The following BRD4 variants were observed in gnomAD, a reference collection of about 807,000 sequenced individuals.
The protein encoded by BRD4 is bromodomain containing 4, also known as bromodomain-containing protein 4.
In BRD4, 16 loss-of-function variants were observed where a neutral mutation model predicts 142.1. That is an observed-to-expected ratio of 0.11 (90% confidence interval 0.08 to 0.17). The LOEUF (loss-of-function observed/expected upper bound fraction) is 0.17. Among genes scored for constraint, BRD4 ranks in the 10% least tolerant of loss-of-function variants. The probability of loss-of-function intolerance (pLI) is 1.00; values close to 1 mark genes in which losing one functional copy is unlikely to be tolerated. For synonymous variants in BRD4, 833 were observed against 707.5 expected (o/e 1.18, Z -2.82); for missense variants, 1,424 against 1,810.9 (o/e 0.79, Z 3.88).
chr19:15,241,291 T>C (rs2047235911), intron 14 of BRD4, among the ~76,000 whole-genome samples: 1 of 152,210 alleles, frequency 6.6e-6, no homozygotes, highest in African/African-American at 2.4e-5. Context: ...CCCACCCAAC[T>C]AGGGCAGTGC....
intron 1 of BRD4, among the ~76,000 whole-genome samples, chr19:15,325,568 A>G (rs913544330): frequency 1.3e-5 from 2 of 152,166 alleles, no homozygotes; most frequent in Admixed American, 6.5e-5. Flanking sequence ...TTTGTGGGGG[A>G]AAAAATGTTT....
At chr19:15,253,811 G>A (rs1313568614) in intron 11 of BRD4, 1 of 1,565,864 alleles carries the variant, frequency 6.4e-7, no homozygotes, top group Admixed American at 1.7e-5. Flanking sequence ...AAGGTCAACA[G>A]CACAGCCTGG....
intron 11 of BRD4, chr19:15,253,533 G>A (rs746645631): frequency 1.6e-5 from 24 of 1,526,024 alleles, no homozygotes; most frequent in Non-Finnish European, 2.1e-5. Flanking sequence ...CGCAAGTCCA[G>A]GTGCGTGTGG....
Position 15,238,282 on chromosome 19 carries a change from C to A in BRD4, c.*95G>T. 6.4e-7 allele frequency: 1 copy of A among 1,571,248 alleles called. No individual in the cohort carries two copies. The highest frequency in any genetic ancestry group is 8.7e-7 in the Non-Finnish European group (1 of 1,155,624). On this transcript the variant is annotated 3_prime_UTR_variant, in exon 20 of 20. Transcript: ENST00000679869. The surrounding 1 kb of genome is among the most constrained non-coding windows in gnomAD (Gnocchi z 7.2). ...CAGGAGGGCCAGGCCCTGAGGCATC[C>A]CCTGGCCGCTGATCCCACCTCCACC...
At chr19:15,264,169 C>T in intron 6 of BRD4, 1 of 504,874 alleles carries the variant, frequency 2.0e-6, no homozygotes, top group Non-Finnish European at 3.4e-6. Context: ...TTTCCTCAGA[C>T]TAGGGGAAGG....
intron 7 of BRD4, 25 bp downstream of exon 7, chr19:15,263,395 G>A (rs200340127): frequency 1.2e-6 from 2 of 1,609,396 alleles, no homozygotes; most frequent in Admixed American, 1.7e-5. Flanking sequence ...TCTGCTGAGG[G>A]TGGCTGCGCC....
At chr19:15,284,429 C>CTTACAA (rs1414294204) in intron 1 of BRD4, among the ~76,000 whole-genome samples, 3 of 152,208 alleles carry the variant, frequency 2.0e-5, no homozygotes, top group East Asian at 3.8e-4. Flanking sequence ...TCAGTGAGAG[C>CTTACAA]TGACAGTGTC....
chr19:15,290,802 A>C (rs1196983233), intron 1 of BRD4, among the ~76,000 whole-genome samples: 1 of 152,240 alleles, frequency 6.6e-6, no homozygotes, highest in Non-Finnish European at 1.5e-5. Context: ...CTCTTCCCTC[A>C]TAAACACAGG....
intron 1 of BRD4, among the ~76,000 whole-genome samples, chr19:15,297,412 C>A: frequency 6.6e-6 from 1 of 152,178 alleles, no homozygotes; most frequent in East Asian, 1.9e-4. Context: ...AACGTACACA[C>A]GATACAGAGA....
intron 1 of BRD4, among the ~76,000 whole-genome samples, chr19:15,293,335 C>T (rs369528263): frequency 6.6e-5 from 10 of 152,078 alleles, no homozygotes; most frequent in African/African-American, 1.9e-4. Context: ...AGGGTGGCAC[C>T]GGGTAAGGCC....
chr19:15,258,088 C>G (rs959283738), intron 7 of BRD4, among the ~76,000 whole-genome samples: 21 of 152,298 alleles, frequency 1.4e-4, no homozygotes, highest in Admixed American at 2.6e-4. Context: ...CAGCAGGATT[C>G]TGGGACCCGC....
intron 1 of BRD4, among the ~76,000 whole-genome samples, chr19:15,313,634 C>A (rs2047992868): frequency 1.3e-5 from 2 of 152,090 alleles, no homozygotes; most frequent in African/African-American, 4.8e-5. Context: ...CGAGATTGCG[C>A]ACTGCACTCC....
intron 1 of BRD4, among the ~76,000 whole-genome samples, chr19:15,273,816 CTTTTTT>C (rs920676613): frequency 7.9e-6 from 1 of 127,386 alleles, no homozygotes; most frequent in Non-Finnish European, 1.7e-5. Flanking sequence ...CTACCATTTT[CTTTTTT>C]TTTTTTTTTT....
intron 1 of BRD4, among the ~76,000 whole-genome samples, chr19:15,289,059 C>T (rs912794255): frequency 3.3e-5 from 5 of 152,204 alleles, no homozygotes; most frequent in African/African-American, 9.7e-5. Flanking sequence ...AAATGCTTCA[C>T]GTCTTTTACC....
At chr19:15,253,765 T>C (rs2145563563) in intron 11 of BRD4, 3 of 1,597,794 alleles carry the variant, frequency 1.9e-6, no homozygotes, top group Non-Finnish European at 2.5e-6. Context: ...GGACACGAAG[T>C]CTCCACTGGT....
At chr19:15,268,358 G>T (rs1352804263) in intron 3 of BRD4, 1 of 153,336 alleles carries the variant, frequency 6.5e-6, no homozygotes, top group Non-Finnish European at 1.5e-5. Flanking sequence ...TGACCTTCAG[G>T]TCTACATGTA....
intron 1 of BRD4, among the ~76,000 whole-genome samples, chr19:15,293,223 C>T (rs1390844753): frequency 6.6e-6 from 1 of 152,166 alleles, no homozygotes. Flanking sequence ...TGAAACCATA[C>T]AGTTTCGCTT....
chr19:15,304,769 G>C (rs1382407199), intron 1 of BRD4, among the ~76,000 whole-genome samples: 4 of 152,122 alleles, frequency 2.6e-5, no homozygotes, highest in Non-Finnish European at 5.9e-5. Flanking sequence ...ACAGGGCAGG[G>C]ATTAGGGTCT....
chr19:15,267,677 G>C (rs980802550), intron 3 of BRD4, 126 bp from the exon 4 acceptor site: 3 of 1,082,568 alleles, frequency 2.8e-6, no homozygotes, highest in South Asian at 1.6e-5. Flanking sequence ...GTCCTTCCCC[G>C]ATCTGCACCC....
Sources: gnomAD v4.1 joint callset for allele counts (sites outside exome capture counted in the v4.1 genomes callset) on GRCh38, gnomAD v4.1.1 for gene constraint, Gnocchi (gnomAD v3.1) non-coding constraint, MANE v1.5 for transcripts, NCBI Gene and HGNC (gene_info 2026-07-23, HGNC 2026-07-21) for gene names.